ZBTB44: variants seen among roughly 807,000 people sequenced by gnomAD.
ZBTB44 encodes zinc finger and BTB domain-containing protein 44.
Under a neutral mutation model 54.0 loss-of-function variants are expected in ZBTB44, and 15 were observed. That is an observed-to-expected ratio of 0.28 (90% CI 0.19 to 0.43). The LOEUF (loss-of-function observed/expected upper bound fraction) is 0.43. Among genes scored for constraint, ZBTB44 ranks in the 20% least tolerant of loss-of-function variants. The pLI, the probability that ZBTB44 is intolerant of heterozygous loss-of-function variation, is 1.00. For missense variants in ZBTB44, 487 were observed against 707.1 expected (o/e 0.69, Z 3.53); for synonymous variants, 230 against 250.1 (o/e 0.92, Z 0.76).
rs554905183 is a variant in ZBTB44 at position 130,283,341 on chromosome 11, C to T, written c.-56-21412G>A. Among the ~76,000 whole-genome samples, 5 of 152,040 alleles carry T rather than the reference C, an allele frequency of 3.3e-5. No homozygotes were observed. In the East Asian group the frequency reaches 5.8e-4, roughly 18 times the overall value. On this transcript the variant is annotated intron_variant, in intron 1 of 7. Coordinates refer to ENST00000357899, the MANE Select transcript of ZBTB44 (RefSeq NM_001301098.2). ...GATTACAGGCATGAGCCACCGTGCCCGGCCCATTCTAACCATTTTAAAGTG... is the reference window on the plus strand; with the variant it reads ...GATTACAGGCATGAGCCACCGTGCCTGGCCCATTCTAACCATTTTAAAGTG...
rs572315322 is a variant in ZBTB44, at chr11:130,231,513, A to C, written c.*251T>G. On this transcript the variant is annotated 3_prime_UTR_variant, in exon 8 of 8. Transcript: ENST00000357899. Reference sequence around the variant, plus strand: ...AATACCCAGTGATGGGTAATCCCTCATTCTGAGAACACAGTCAGAATATCT... The same window carrying C: ...AATACCCAGTGATGGGTAATCCCTCCTTCTGAGAACACAGTCAGAATATCT... The C allele has an allele frequency of 6.6e-6, 1 of 152,294 alleles. No individual in the cohort carries two copies. Among genetic ancestry groups the C allele is most frequent in the Admixed American group, 6.5e-5 (1 of 15,296 alleles). 9.4% of individuals were successfully genotyped at this position (152,294 alleles called of 1,614,324 possible).
intron 4 of ZBTB44, among the ~76,000 whole-genome samples, chr11:130,237,764 T>C (rs1015750409): frequency 9.9e-5 from 15 of 152,224 alleles, no homozygotes; most frequent in Admixed American, 7.9e-4. Context: ...GGACAGGGAC[T>C]GTAAGACCTA....
intron 1 of ZBTB44, among the ~76,000 whole-genome samples, chr11:130,295,197 C>G (rs864158): frequency 0.78 from 118,803 of 152,060 alleles, 46,674 homozygotes; most frequent in Admixed American, 0.82. Context: ...ACTCAAAATG[C>G]AGATGTGTCT....
chr11:130,278,836 T>G (rs903004932), intron 1 of ZBTB44, among the ~76,000 whole-genome samples: 1 of 152,202 alleles, frequency 6.6e-6, no homozygotes, highest in African/African-American at 2.4e-5. Flanking sequence ...ATACCCACTT[T>G]TACCTCTTTA....
chr11:130,260,136 A>G (rs926042123), intron 2 of ZBTB44, among the ~76,000 whole-genome samples: 4 of 152,196 alleles, frequency 2.6e-5, no homozygotes, highest in Non-Finnish European at 4.4e-5. Flanking sequence ...GAGGCTCTTT[A>G]CAGCCTGCGC....
chr11:130,303,743 T>A (rs543982540), intron 1 of ZBTB44, among the ~76,000 whole-genome samples: 23 of 152,078 alleles, frequency 1.5e-4, no homozygotes, highest in Non-Finnish European at 3.4e-4. Context: ...AATATCAAAA[T>A]TGTAAAAAGG....
At chr11:130,275,651 CAG>C (rs1940007287) in intron 1 of ZBTB44, among the ~76,000 whole-genome samples, 1 of 151,820 alleles carries the variant, frequency 6.6e-6, no homozygotes, top group East Asian at 1.9e-4. Flanking sequence ...TTTTTTGAGA[CAG>C]AGTCTCACTC....
At chr11:130,271,003 C>T (rs1252578870) in intron 1 of ZBTB44, among the ~76,000 whole-genome samples, 2 of 152,094 alleles carry the variant, frequency 1.3e-5, no homozygotes, top group African/African-American at 2.4e-5. Context: ...CAGAAAGGCA[C>T]GTTGTTAGAA....
rs116447139 is a variant in ZBTB44 at position 130,307,568 on chromosome 11, C to T, written c.-57+6807G>A. Among the ~76,000 whole-genome samples the T allele has an allele frequency of 3.2e-3, 489 of 152,194 alleles. 2 individuals carry two copies. The highest frequency in any genetic ancestry group is 4.4e-3 in the Non-Finnish European group (300 of 68,010). On this transcript the variant is annotated intron_variant, in intron 1 of 7. Coordinates refer to ENST00000357899, the MANE Select transcript of ZBTB44 (RefSeq NM_001301098.2). ...TCTGAAGCAAGGGGTCAGAAACTCCCGCACCTATGAGAAAGGAAAATGATA... is the reference window on the plus strand; with the variant it reads ...TCTGAAGCAAGGGGTCAGAAACTCCTGCACCTATGAGAAAGGAAAATGATA...
chr11:130,307,124 C>T (rs1295842269), intron 1 of ZBTB44, among the ~76,000 whole-genome samples: 1 of 151,566 alleles, frequency 6.6e-6, no homozygotes, highest in Non-Finnish European at 1.5e-5. Flanking sequence ...CTAAAGCCCA[C>T]CATTAACATT....
intron 1 of ZBTB44, among the ~76,000 whole-genome samples, chr11:130,268,515 G>A (rs941359991): frequency 6.6e-6 from 1 of 152,124 alleles, no homozygotes; most frequent in Non-Finnish European, 1.5e-5. Flanking sequence ...AGCTACTCAG[G>A]AAGTTAAGGT....
At chr11:130,274,489 C>T (rs951932242) in intron 1 of ZBTB44, among the ~76,000 whole-genome samples, 2 of 152,102 alleles carry the variant, frequency 1.3e-5, no homozygotes, top group Non-Finnish European at 2.9e-5. Context: ...ATGTTAGCTA[C>T]GAGGTTTTCA....
chr11:130,288,271 G>C (rs567633713), intron 1 of ZBTB44, among the ~76,000 whole-genome samples: 1 of 152,214 alleles, frequency 6.6e-6, no homozygotes, highest in South Asian at 2.1e-4. Flanking sequence ...CTACTTGGGA[G>C]GCTGAGGCAG....
chr11:130,244,305 C>A (rs965133020), intron 2 of ZBTB44, among the ~76,000 whole-genome samples: 2 of 152,060 alleles, frequency 1.3e-5, no homozygotes, highest in Non-Finnish European at 2.9e-5. Flanking sequence ...ACCAAATGAA[C>A]AAATCTGAGC....
At chr11:130,278,162 A>C (rs888040183) in intron 1 of ZBTB44, among the ~76,000 whole-genome samples, 9 of 152,254 alleles carry the variant, frequency 5.9e-5, no homozygotes, top group African/African-American at 2.2e-4. Context: ...TTAGTTAAAA[A>C]TATCAAAGTC....
chr11:130,306,450 C>T (rs997671537), intron 1 of ZBTB44, among the ~76,000 whole-genome samples: 2 of 151,302 alleles, frequency 1.3e-5, no homozygotes, highest in African/African-American at 2.4e-5. Context: ...TGCAGTGAGC[C>T]GAGATTGCGC....
chr11:130,278,322 A>G (rs1162773894), intron 1 of ZBTB44, among the ~76,000 whole-genome samples: 1 of 152,228 alleles, frequency 6.6e-6, no homozygotes, highest in Non-Finnish European at 1.5e-5. Context: ...CATATGATTT[A>G]TTGAATACCA....
intron 1 of ZBTB44, among the ~76,000 whole-genome samples, chr11:130,305,986 CCAA>C (rs1942245350): frequency 6.6e-6 from 1 of 151,998 alleles, no homozygotes; most frequent in Non-Finnish European, 1.5e-5. Flanking sequence ...ATAAAAACAG[CCAA>C]CAAACACATG....
chr11:130,271,587 T>A (rs975374834), intron 1 of ZBTB44, among the ~76,000 whole-genome samples: 1 of 152,244 alleles, frequency 6.6e-6, no homozygotes, highest in African/African-American at 2.4e-5. Context: ...GACTTTCATA[T>A]GAATGGAATC....
Sources: gnomAD v4.1 joint callset for allele counts (sites outside exome capture counted in the v4.1 genomes callset) on GRCh38, gnomAD v4.1.1 for gene constraint, MANE v1.5 for transcripts, NCBI Gene and HGNC (gene_info 2026-07-23, HGNC 2026-07-21) for gene names.